Variants in AUH observed in about 807,000 individuals in gnomAD.
AUH encodes the protein AU RNA binding methylglutaconyl-CoA hydratase.
Under a neutral mutation model 42.3 loss-of-function variants are expected in AUH, and 29 were observed. The ratio of observed to expected loss-of-function variants is 0.69; its 90% CI spans 0.51 to 0.93. The LOEUF is 0.93. AUH is among the 40% of genes least tolerant of loss of function. The pLI is 0.00. For synonymous variants in AUH, 174 were observed against 166.4 expected (o/e 1.05, Z -0.35); for missense variants, 452 against 438.1 (o/e 1.03, Z -0.28).
At chr9:91,264,536 G>T (rs540729319) in intron 6 of AUH, among the ~76,000 whole-genome samples, 7 of 152,272 alleles carry the variant, frequency 4.6e-5, no homozygotes, top group African/African-American at 1.7e-4. Context: ...AATTAGGTTG[G>T]TTCCTCTAAT....
At chr9:91,274,843 A>G (rs1304721745) in intron 6 of AUH, among the ~76,000 whole-genome samples, 1 of 152,226 alleles carries the variant, frequency 6.6e-6, no homozygotes, top group Non-Finnish European at 1.5e-5. Context: ...AATTTTGCTA[A>G]AGAAGGCTAT....
At chr9:91,329,274 A>G (rs558439079) in intron 3 of AUH, among the ~76,000 whole-genome samples, 43 of 151,848 alleles carry the variant, frequency 2.8e-4, no homozygotes, top group Middle Eastern at 6.8e-3. Context: ...GCTAGGTCAT[A>G]CTGTAAATTT....
chr9:91,257,882 TG>T (rs1829491630), intron 6 of AUH, among the ~76,000 whole-genome samples: 1 of 152,248 alleles, frequency 6.6e-6, no homozygotes, highest in South Asian at 2.1e-4. Flanking sequence ...CTTCATCTTC[TG>T]ATCCACGAAC....
intron 6 of AUH, among the ~76,000 whole-genome samples, chr9:91,261,409 G>A (rs1355363367): frequency 6.6e-6 from 1 of 152,124 alleles, no homozygotes; most frequent in East Asian, 1.9e-4. Context: ...GTCCTACAAA[G>A]CCTCTTTAAT....
At chr9:91,276,057 T>C (rs760161520) in intron 6 of AUH, among the ~76,000 whole-genome samples, 42 of 152,222 alleles carry the variant, frequency 2.8e-4, no homozygotes, top group Non-Finnish European at 8.8e-5. Context: ...AGAGCCAATA[T>C]CAAATACAAA....
Position 91,249,960 on chromosome 9 carries a change from T to A in AUH, c.656-28968A>T, listed in dbSNP as rs147235088. 4.7e-5 allele frequency among the ~76,000 whole-genome samples: 7 copies of A among 147,960 alleles called. No homozygotes were observed. In the South Asian group the frequency reaches 1.5e-3, roughly 31 times the overall value. ...CTGGGAGGTGGAGGCTGCAGTGAGC[T>A]GAGATAGTGCCCCTGCACTCCAGCC... On this transcript the variant is annotated intron_variant, in intron 6 of 9. Coordinates refer to ENST00000375731, the MANE Select transcript of AUH (RefSeq NM_001698.3).
chr9:91,283,915 C>G (rs558844510), intron 6 of AUH, among the ~76,000 whole-genome samples: 1 of 152,106 alleles, frequency 6.6e-6, no homozygotes, highest in African/African-American at 2.4e-5. Flanking sequence ...CAATGCCATC[C>G]CCATCAAGCT....
At chr9:91,231,325 C>T (rs1421752035) in intron 6 of AUH, among the ~76,000 whole-genome samples, 3 of 152,172 alleles carry the variant, frequency 2.0e-5, no homozygotes, top group South Asian at 2.1e-4. Flanking sequence ...TTCCAGGTGC[C>T]GTCGGTCACC....
chr9:91,252,738 GACT>G, intron 6 of AUH, among the ~76,000 whole-genome samples: 1 of 152,306 alleles, frequency 6.6e-6, no homozygotes, highest in East Asian at 1.9e-4. Flanking sequence ...TACATATTTT[GACT>G]ACATTAGAAT....
intron 3 of AUH, among the ~76,000 whole-genome samples, chr9:91,354,637 G>A (rs572937924): frequency 6.6e-6 from 1 of 152,212 alleles, no homozygotes; most frequent in African/African-American, 2.4e-5. Context: ...AAAACCTACT[G>A]CCAACAGAAA....
chr9:91,302,568 A>C (rs1409743086), intron 4 of AUH, among the ~76,000 whole-genome samples: 2 of 152,086 alleles, frequency 1.3e-5, no homozygotes, highest in Admixed American at 1.3e-4. Flanking sequence ...CAGCCTGGGC[A>C]ACAAGAGTGA....
chr9:91,256,158 T>C lies in AUH; in HGVS notation c.656-35166A>G, dbSNP rs141914347. Among the ~76,000 whole-genome samples the C allele has an allele frequency of 2.4e-3, 366 of 152,290 alleles. 3 individuals carry two copies. Among genetic ancestry groups the C allele is most frequent in the Non-Finnish European group, 2.7e-3 (183 of 68,026 alleles). On this transcript the variant is annotated intron_variant, in intron 6 of 9. Coordinates refer to ENST00000375731, the MANE Select transcript of AUH (RefSeq NM_001698.3). ...TGAGGCTTATACTGTAAAACAAATATGCTTCTACCCAGACTGTAGCAATTA... is the reference window on the plus strand; with the variant it reads ...TGAGGCTTATACTGTAAAACAAATACGCTTCTACCCAGACTGTAGCAATTA...
At chr9:91,269,622 A>T (rs1025832321) in intron 6 of AUH, among the ~76,000 whole-genome samples, 1 of 152,232 alleles carries the variant, frequency 6.6e-6, no homozygotes, top group Non-Finnish European at 1.5e-5. Context: ...GTAATGTTTC[A>T]AGTTTAGTCA....
At chr9:91,326,656 G>T (rs772898581) in intron 3 of AUH, among the ~76,000 whole-genome samples, 24 of 152,260 alleles carry the variant, frequency 1.6e-4, no homozygotes, top group Admixed American at 1.1e-3. Flanking sequence ...ACACAGAAAT[G>T]ATAAATTCAA....
intron 6 of AUH, among the ~76,000 whole-genome samples, chr9:91,268,156 C>A (rs190833565): frequency 6.6e-6 from 1 of 152,268 alleles, no homozygotes; most frequent in Non-Finnish European, 1.5e-5. Context: ...AGCTTTTTAC[C>A]ATTAAAACTT....
In AUH at chr9:91,319,977, G is replaced by A. The variant is rs560009432; in HGVS notation, c.505+5341C>T. On this transcript the variant is annotated intron_variant, in intron 4 of 9. Transcript: ENST00000375731. ...GCCCCAGTGTCTCCTCCAGCCTTAT[G>A]CCCCTGGGTCGAATTCTTTCTTCTG... Among the ~76,000 whole-genome samples, 10 of 152,218 alleles carry A rather than the reference G, an allele frequency of 6.6e-5. No individual in the cohort carries two copies. In the South Asian group the frequency reaches 2.1e-3, roughly 32 times the overall value.
At chr9:91,260,390 G>A (rs904330017) in intron 6 of AUH, among the ~76,000 whole-genome samples, 4 of 150,654 alleles carry the variant, frequency 2.7e-5, no homozygotes, top group African/African-American at 9.7e-5. Context: ...ATCACCTGTT[G>A]TTACTTGCTC....
At chr9:91,341,586 G>C (rs963027969) in intron 3 of AUH, among the ~76,000 whole-genome samples, 1 of 152,142 alleles carries the variant, frequency 6.6e-6, no homozygotes, top group Non-Finnish European at 1.5e-5. Flanking sequence ...CTGTATCAAA[G>C]CTTGTTTTAT....
At chr9:91,280,139 T>G (rs1825850131) in intron 6 of AUH, among the ~76,000 whole-genome samples, 1 of 152,220 alleles carries the variant, frequency 6.6e-6, no homozygotes, top group Non-Finnish European at 1.5e-5. Context: ...TCAGTTTTAT[T>G]TTTAAAAGAT....
Sources: allele counts gnomAD v4.1 joint callset (sites outside exome capture counted in the v4.1 genomes callset), GRCh38; gene constraint gnomAD v4.1.1; transcripts MANE v1.5; gene names NCBI Gene and HGNC (gene_info 2026-07-23, HGNC 2026-07-21).